The following CHSY3 variants were observed in gnomAD, a reference collection of about 807,000 sequenced individuals.
The protein encoded by CHSY3 is chondroitin sulfate synthase 3.
Under a neutral mutation model 67.2 loss-of-function variants are expected in CHSY3, and 35 were observed. That is an observed-to-expected ratio of 0.52 (90% CI 0.40 to 0.69). CHSY3 has a LOEUF of 0.69. Ranked by LOEUF, CHSY3 falls within the 30% of genes least tolerant of loss-of-function variation. CHSY3 has a pLI of 0.00. For missense variants in CHSY3, 1,069 were observed against 1,138.5 expected (o/e 0.94, Z 0.88); for synonymous variants, 474 against 434.7 (o/e 1.09, Z -1.12).
At chr5:130,060,344 G>C (rs183848394) in intron 2 of CHSY3, among the ~76,000 whole-genome samples, 4 of 152,048 alleles carry the variant, frequency 2.6e-5, no homozygotes, top group Admixed American at 2.0e-4. Context: ...TGCAGAAAAG[G>C]CATTCGATAA....
At chr5:129,922,588 A>G (rs1004121742) in intron 2 of CHSY3, among the ~76,000 whole-genome samples, 1 of 152,000 alleles carries the variant, frequency 6.6e-6, no homozygotes, top group African/African-American at 2.4e-5. Flanking sequence ...ATGATTAGTG[A>G]TGTCTAACTT....
intron 2 of CHSY3, among the ~76,000 whole-genome samples, chr5:130,064,987 C>A (rs1425010014): frequency 1.3e-5 from 2 of 152,114 alleles, no homozygotes; most frequent in African/African-American, 4.8e-5. Context: ...AAAGTAGTTT[C>A]TTTCTCTTCT....
At chr5:130,021,033 G>A (rs1022222661) in intron 2 of CHSY3, among the ~76,000 whole-genome samples, 18 of 152,270 alleles carry the variant, frequency 1.2e-4, no homozygotes, top group African/African-American at 4.1e-4. Flanking sequence ...CAATAAATGG[G>A]TGAAAGACAT....
chr5:129,928,857 G>T (rs1472779831), intron 2 of CHSY3, among the ~76,000 whole-genome samples: 1 of 152,128 alleles, frequency 6.6e-6, no homozygotes, highest in African/African-American at 2.4e-5. Flanking sequence ...CTATAAAGGG[G>T]ATTAAGTGAG....
At chr5:129,957,468 T>G (rs895867919) in intron 2 of CHSY3, among the ~76,000 whole-genome samples, 2 of 152,210 alleles carry the variant, frequency 1.3e-5, no homozygotes, top group African/African-American at 4.8e-5. Flanking sequence ...TTCTTTTGCC[T>G]GATTGATCTT....
At chr5:130,104,362 G>A (rs966116200) in intron 2 of CHSY3, among the ~76,000 whole-genome samples, 1 of 151,792 alleles carries the variant, frequency 6.6e-6, no homozygotes, top group Non-Finnish European at 1.5e-5. Flanking sequence ...TTTCAGGAAT[G>A]AATTAACACC....
chr5:129,961,358 A>G (rs1325585976), intron 2 of CHSY3, among the ~76,000 whole-genome samples: 1 of 152,088 alleles, frequency 6.6e-6, no homozygotes, highest in African/African-American at 2.4e-5. Context: ...TGAAATAGCA[A>G]TATACAGAGA....
In CHSY3 at chr5:130,170,830, GTT is replaced by G. The variant is rs57988811; in HGVS notation, c.1087-13389_1087-13388del. ...ATATCCTTTGCCCAGTTTTAATCAA[GTT>G]TTTTTTTTTCTTGTTGAGTCGTTTG... On this transcript the variant is annotated intron_variant, in intron 2 of 2. Transcript: ENST00000305031. 2.5e-4 allele frequency among the ~76,000 whole-genome samples: 37 copies of G among 148,642 alleles called. No homozygotes were observed. In the East Asian group the frequency reaches 5.9e-3, roughly 24 times the overall value.
intron 2 of CHSY3, among the ~76,000 whole-genome samples, chr5:130,089,173 G>T (rs1766783726): frequency 7.3e-6 from 1 of 137,796 alleles, no homozygotes; most frequent in African/African-American, 2.7e-5. Flanking sequence ...ATTGAAGAGT[G>T]AGAACACATG....
At chr5:130,000,569 A>G (rs1440890576) in intron 2 of CHSY3, among the ~76,000 whole-genome samples, 1 of 149,182 alleles carries the variant, frequency 6.7e-6, no homozygotes, top group African/African-American at 2.5e-5. Context: ...GAAGCTAGGT[A>G]TATTGTTGCC....
At chr5:130,092,972 C>T (rs1766928559) in intron 2 of CHSY3, among the ~76,000 whole-genome samples, 1 of 152,192 alleles carries the variant, frequency 6.6e-6, no homozygotes, top group African/African-American at 2.4e-5. Context: ...TGAGTATCAG[C>T]TCCTAGCTAC....
At chr5:129,949,859 G>A (rs1262988047) in intron 2 of CHSY3, among the ~76,000 whole-genome samples, 1 of 152,064 alleles carries the variant, frequency 6.6e-6, no homozygotes, top group Non-Finnish European at 1.5e-5. Flanking sequence ...GAAGGATGAA[G>A]GATAAAAATC....
At chr5:130,117,542 G>A (rs1011095162) in intron 2 of CHSY3, among the ~76,000 whole-genome samples, 1 of 152,076 alleles carries the variant, frequency 6.6e-6, no homozygotes, top group African/African-American at 2.4e-5. Flanking sequence ...TTTCTGGGTG[G>A]CTGTTTTTGT....
At chr5:130,084,685 T>G (rs911326087) in intron 2 of CHSY3, among the ~76,000 whole-genome samples, 2 of 151,974 alleles carry the variant, frequency 1.3e-5, no homozygotes, top group Non-Finnish European at 2.9e-5. Context: ...TGATCCTAAA[T>G]GTAAACACAA....
At chr5:130,024,941 C>A (rs1427726211) in intron 2 of CHSY3, among the ~76,000 whole-genome samples, 1 of 152,024 alleles carries the variant, frequency 6.6e-6, no homozygotes, top group African/African-American at 2.4e-5. Flanking sequence ...AGTGGCTGGG[C>A]TGGAATTGAG....
intron 2 of CHSY3, among the ~76,000 whole-genome samples, chr5:130,047,669 C>A (rs1338439734): frequency 6.6e-6 from 1 of 151,972 alleles, no homozygotes; most frequent in African/African-American, 2.4e-5. Flanking sequence ...TCCTCAATAA[C>A]AACATACTGA....
chr5:130,068,048 A>G (rs1765940597), intron 2 of CHSY3, among the ~76,000 whole-genome samples: 1 of 152,164 alleles, frequency 6.6e-6, no homozygotes, highest in Non-Finnish European at 1.5e-5. Context: ...ACATGTAACT[A>G]TCTAATGTTT....
intron 2 of CHSY3, among the ~76,000 whole-genome samples, chr5:130,034,865 G>A (rs1157601877): frequency 1.3e-5 from 2 of 152,092 alleles, no homozygotes; most frequent in African/African-American, 4.8e-5. Flanking sequence ...GAACATCCCA[G>A]GCAGGCAGAA....
intron 2 of CHSY3, among the ~76,000 whole-genome samples, chr5:130,110,156 T>C (rs1767545730): frequency 1.3e-5 from 2 of 151,874 alleles, no homozygotes; most frequent in Non-Finnish European, 2.9e-5. Context: ...AAAAGTATGC[T>C]CTAGAACCTT....
Sources: allele counts gnomAD v4.1 joint callset (sites outside exome capture counted in the v4.1 genomes callset), GRCh38; gene constraint gnomAD v4.1.1; transcripts MANE v1.5; gene names NCBI Gene and HGNC (gene_info 2026-07-23, HGNC 2026-07-21).